Variants in CEP126 observed in about 807,000 individuals in gnomAD.
CEP126 encodes centrosomal protein of 126 kDa.
In CEP126, 74 loss-of-function variants were observed where a neutral mutation model predicts 107.8. That is an observed-to-expected ratio of 0.69 (90% CI 0.57 to 0.83). The LOEUF (loss-of-function observed/expected upper bound fraction) is 0.83. Ranked by LOEUF, CEP126 falls within the 40% of genes least tolerant of loss-of-function variation. The pLI is 0.00. For missense variants in CEP126, 1,237 were observed against 1,281.9 expected (o/e 0.96, Z 0.53); for synonymous variants, 449 against 446.0 (o/e 1.01, Z -0.08).
At chr11:101,944,996 G>A (rs1342684703) in intron 3 of CEP126, among the ~76,000 whole-genome samples, 7 of 152,124 alleles carry the variant, frequency 4.6e-5, no homozygotes, top group Non-Finnish European at 8.8e-5. Flanking sequence ...GCAAACATAT[G>A]GTGTACTGTG....
chr11:101,949,232 T>G (rs1240402921), intron 4 of CEP126, among the ~76,000 whole-genome samples: 3 of 152,200 alleles, frequency 2.0e-5, no homozygotes, highest in Admixed American at 6.5e-5. Context: ...ATTGGAGAGA[T>G]AAGTGCATCT....
At chr11:101,934,994 T>C (rs2137088482) in intron 2 of CEP126, among the ~76,000 whole-genome samples, 1 of 152,204 alleles carries the variant, frequency 6.6e-6, no homozygotes, top group East Asian at 1.9e-4. Context: ...CCAAAAGGGC[T>C]GACCTTTTTT....
intron 2 of CEP126, among the ~76,000 whole-genome samples, chr11:101,924,621 G>A (rs952971542): frequency 2.0e-5 from 3 of 152,006 alleles, no homozygotes; most frequent in East Asian, 1.9e-4. Context: ...ACGCACCCCC[G>A]TGCCCGGCTA....
intron 10 of CEP126, among the ~76,000 whole-genome samples, chr11:101,993,359 C>G (rs1192158104): frequency 2.6e-5 from 4 of 152,202 alleles, no homozygotes; most frequent in African/African-American, 9.7e-5. Context: ...TGGCCTCCAG[C>G]TCTATCCATG....
At chr11:101,974,402 A>G (rs561232420) in intron 6 of CEP126, among the ~76,000 whole-genome samples, 1 of 152,310 alleles carries the variant, frequency 6.6e-6, no homozygotes, top group Non-Finnish European at 1.5e-5. Flanking sequence ...TTGAAGGCTT[A>G]TGACAAAGAA....
At chr11:101,997,179 A>C (rs1245753226) in intron 10 of CEP126, among the ~76,000 whole-genome samples, 1 of 152,166 alleles carries the variant, frequency 6.6e-6, no homozygotes, top group Non-Finnish European at 1.5e-5. Flanking sequence ...CTGGGATTAC[A>C]GGCACGTGCC....
Position 101,963,474 on chromosome 11 carries a change from T to G in CEP126, c.2439T>G (p.Gly813=). 4.3e-6 allele frequency: 7 copies of G among 1,614,096 alleles called. No individual in the cohort carries two copies. Among genetic ancestry groups the G allele is most frequent in the South Asian group, 3.3e-5 (3 of 91,064 alleles). The part of the protein sequence containing the change: ...PPQSTSNIRS[G]KNIQVSQCQP... ...AATCTACATCAAATATTAGAAGTGG[T>G]AAAAATATACAAGTGTCTCAGTGTC... The change falls in exon 6 of 11, where the codon GGT becomes GGG. Residue 813 remains glycine (G), a synonymous_variant. Transcript: ENST00000263468.
At chr11:101,956,771 TC>T (rs1940903081) in intron 4 of CEP126, 4 of 452,334 alleles carry the variant, frequency 8.8e-6, no homozygotes, top group African/African-American at 8.0e-5. Context: ...GATTTCCTCT[TC>T]CTTTCCCCCT....
chr11:101,965,511 T>C lies in CEP126; in HGVS notation c.2845+1631T>C, dbSNP rs985325225. Among the ~76,000 whole-genome samples, 33 of 152,156 alleles carry C rather than the reference T, an allele frequency of 2.2e-4. 1 individual carries two copies. Among genetic ancestry groups the C allele is most frequent in the Admixed American group, 2.1e-3 (32 of 15,282 alleles). ...AGACACTATAATCTAAAAATCTTCA[T>C]TACTTGTCTACAAAAATCTAGATTT... On this transcript the variant is annotated intron_variant, in intron 6 of 10. Transcript: ENST00000263468.
intron 10 of CEP126, 58 bp downstream of exon 10, chr11:101,992,900 C>T: frequency 7.1e-7 from 1 of 1,401,964 alleles, no homozygotes; most frequent in Non-Finnish European, 9.4e-7. Flanking sequence ...ATTTTATGTA[C>T]ACATCAATAC....
intron 6 of CEP126, among the ~76,000 whole-genome samples, chr11:101,976,732 C>G (rs1591291168): frequency 1.3e-5 from 2 of 152,192 alleles, no homozygotes; most frequent in Non-Finnish European, 2.9e-5. Context: ...ATTTGGTAAC[C>G]TACTACTACC....
Position 101,915,133 on chromosome 11 carries a change from G to C in CEP126, c.-152G>C. On this transcript the variant is annotated 5_prime_UTR_variant, in exon 1 of 11. Transcript: ENST00000263468. ...TACAGGCACCAGTGCCGCTGCGCGG[G>C]AGCTAGGGCTGTCGAGGCCAACCCT... The C allele has an allele frequency of 8.5e-7, 1 of 1,176,776 alleles. No homozygotes were observed. The highest frequency in any genetic ancestry group is 1.2e-6 in the Non-Finnish European group (1 of 852,716). 72.9% of individuals were successfully genotyped at this position (1,176,776 alleles called of 1,614,324 possible). A position where few individuals can be genotyped will look rare whatever the true frequency, so the allele number is the denominator to read the frequency against.
Position 101,963,058 on chromosome 11 carries a change from A to C in CEP126, c.2023A>C (p.Ser675Arg), listed in dbSNP as rs773101501. The C allele has an allele frequency of 6.2e-7, 1 of 1,614,132 alleles. No homozygotes were observed. The highest frequency in any genetic ancestry group is 1.1e-5 in the South Asian group (1 of 91,084). Residue 675 changes from serine (S) to arginine (R), a missense_variant, in exon 6 of 11, where the codon AGT becomes CGT. By Grantham distance (110) the Ser-to-Arg change is moderately radical. Coordinates refer to ENST00000263468, the MANE Select transcript of CEP126 (RefSeq NM_020802.4). ...AAGTGGTGCTGGAAGCAACATAATT[A>C]GTGTTTCTACTTGTGCTGTAAATTC... is the stretch of plus-strand genomic sequence containing the variant. ...IQSGAGSNII[S>R]VSTCAVNSAD... is the part of the protein sequence containing the mutation.
Position 101,962,329 on chromosome 11 carries a change from G to C in CEP126, c.1294G>C (p.Ala432Pro). 1 of 1,613,308 alleles carries C rather than the reference G, an allele frequency of 6.2e-7. No individual in the cohort carries two copies. The highest frequency in any genetic ancestry group is 8.5e-7 in the Non-Finnish European group (1 of 1,179,638). Residue 432 changes from alanine (A) to proline (P), a missense_variant, in exon 6 of 11, where the codon GCT (alanine) becomes CCT (proline). Around this residue, in one of 3 missense-constraint regions of CEP126, gnomAD observed 1,134 missense variants for 1,150.5 expected, o/e 0.99. Transcript: ENST00000263468. ...STSDSLTQEV[A>P]TFPDQEKYSE... is the part of the protein sequence containing the mutation. ...TTCAGATTCTCTAACCCAGGAAGTG[G>C]CTACATTTCCAGACCAAGAGAAATA...
intron 4 of CEP126, among the ~76,000 whole-genome samples, chr11:101,952,534 CCA>C (rs1940826160): frequency 6.6e-6 from 1 of 151,950 alleles, no homozygotes; most frequent in Non-Finnish European, 1.5e-5. Context: ...AAAGATGACT[CCA>C]GAGATTAGAT....
At position 101,962,640 on chromosome 11, in the gene CEP126, T is replaced by C. The variant is rs759279737; in HGVS notation, c.1605T>C (p.Asp535=). 7 of 1,612,698 alleles carry C rather than the reference T, an allele frequency of 4.3e-6. No homozygotes were observed. In the South Asian group the frequency reaches 4.4e-5, roughly 10 times the overall value. ...TACCTCACAATCCTGATTCAAAAGA[T>C]GAAAAACAAAAATTAGCTGAAACAT... ...AYIPHNPDSK[D]EKQKLAETSS... Residue 535 remains aspartate (D), a synonymous_variant, in exon 6 of 11, where the codon GAT becomes GAC. Transcript: ENST00000263468.
chr11:101,942,018 G>A (rs1940671808), intron 2 of CEP126, among the ~76,000 whole-genome samples: 1 of 151,848 alleles, frequency 6.6e-6, no homozygotes, highest in Admixed American at 6.6e-5. Flanking sequence ...TGGAGTTGTT[G>A]GAGTTCTTGA....
At chr11:101,971,177 C>T (rs1002071665) in intron 6 of CEP126, among the ~76,000 whole-genome samples, 3 of 152,128 alleles carry the variant, frequency 2.0e-5, no homozygotes, top group African/African-American at 7.2e-5. Flanking sequence ...CCATGTTGCC[C>T]AGGCTGGTCT....
chr11:101,961,467 T>G (rs1940968574), intron 5 of CEP126, among the ~76,000 whole-genome samples: 1 of 152,048 alleles, frequency 6.6e-6, no homozygotes, highest in African/African-American at 2.4e-5. Context: ...TAACAAAAAT[T>G]TTTTTTAAGT....
Sources: allele counts gnomAD v4.1 joint callset (sites outside exome capture counted in the v4.1 genomes callset), GRCh38; gene constraint gnomAD v4.1.1; regional missense constraint gnomAD v4.1.1; transcripts MANE v1.5; gene names NCBI Gene and HGNC (gene_info 2026-07-23, HGNC 2026-07-21).